Variants in FLVCR1 observed in about 807,000 individuals in gnomAD.
The protein encoded by FLVCR1 is choline/ethanolamine transporter FLVCR1.
Under a neutral mutation model 53.6 loss-of-function variants are expected in FLVCR1, and 34 were observed. The observed-to-expected ratio is 0.63, with a 90% CI of 0.48 to 0.84. The LOEUF (loss-of-function observed/expected upper bound fraction) is 0.84. FLVCR1 is among the 40% of genes least tolerant of loss of function. The pLI is 0.00. For missense variants in FLVCR1, 677 were observed against 696.7 expected (o/e 0.97, Z 0.32); for synonymous variants, 300 against 286.3 (o/e 1.05, Z -0.48).
Position 212,885,142 on chromosome 1 carries a change from C to G in FLVCR1, c.1093-151C>G. The G allele has an allele frequency of 4.6e-6, 3 of 657,868 alleles. No individual in the cohort carries two copies. The East Asian group carries it at 8.2e-5, about 18-fold the overall frequency. The allele number at this position is 657,868 out of a possible 1,614,324, so 40.8% of individuals were successfully genotyped here. A position where few individuals can be genotyped will look rare whatever the true frequency, so the allele number is the denominator to read the frequency against. On this transcript the variant is annotated intron_variant, in intron 4 of 9. Transcript: ENST00000366971. ...TTTATATATTCTTTACCTGCCCTCCCCTCCCACACTGACACATGTACTAAA... is the reference window on the plus strand; with the variant it reads ...TTTATATATTCTTTACCTGCCCTCCGCTCCCACACTGACACATGTACTAAA...
At chr1:212,879,517 T>A (rs1664865003) in intron 3 of FLVCR1, among the ~76,000 whole-genome samples, 1 of 152,136 alleles carries the variant, frequency 6.6e-6, no homozygotes, top group African/African-American at 2.4e-5. Flanking sequence ...CCAAATGGAC[T>A]AAGATAAAAT....
intron 1 of FLVCR1, among the ~76,000 whole-genome samples, chr1:212,859,659 A>G (rs570289948): frequency 6.6e-6 from 1 of 152,174 alleles, no homozygotes; most frequent in South Asian, 2.1e-4. Context: ...TGGAGGTTGC[A>G]GTGAGCGGAG....
intron 2 of FLVCR1, among the ~76,000 whole-genome samples, chr1:212,868,024 C>T (rs544258972): frequency 3.3e-5 from 5 of 152,152 alleles, no homozygotes; most frequent in East Asian, 1.9e-4. Context: ...AGGATGGTCT[C>T]GATCTCCTGA....
intron 8 of FLVCR1, among the ~76,000 whole-genome samples, chr1:212,890,754 G>C (rs12404754): frequency 0.39 from 60,010 of 151,984 alleles, 13,347 homozygotes; most frequent in South Asian, 0.52. Flanking sequence ...TCAGAAGGAT[G>C]TGAATCAGAA....
At chr1:212,872,848 G>A (rs1664642813) in intron 3 of FLVCR1, 30 bp downstream of exon 3, 1 of 1,611,862 alleles carries the variant, frequency 6.2e-7, no homozygotes, top group South Asian at 1.1e-5. Context: ...TTTCTTTAAT[G>A]TCTGTGTGAG....
At chr1:212,863,362 C>T (rs981637695) in intron 1 of FLVCR1, among the ~76,000 whole-genome samples, 10 of 152,190 alleles carry the variant, frequency 6.6e-5, no homozygotes, top group East Asian at 5.8e-4. Context: ...GAGGCCGAGG[C>T]GGGCGGATCA....
chr1:212,899,080 TTG>T lies in FLVCR1; in HGVS notation c.*3795_*3796del, dbSNP rs1463984190. 1 of 152,236 alleles carries T rather than the reference TTG, an allele frequency of 6.6e-6. No individual in the cohort carries two copies. Among genetic ancestry groups the T allele is most frequent in the Non-Finnish European group, 1.5e-5 (1 of 68,044 alleles). The allele number at this position is 152,236 out of a possible 1,614,324, so 9.4% of individuals were successfully genotyped here. On this transcript the variant is annotated 3_prime_UTR_variant, in exon 10 of 10. Transcript: ENST00000366971. The stretch of plus-strand genomic sequence containing the variant: ...AGAAAATGGAATAGGTAATCATCAC[TTG>T]TGTGAATTTTAATCAAATGACTTAG...
intron 2 of FLVCR1, among the ~76,000 whole-genome samples, chr1:212,869,708 G>C (rs1027707930): frequency 2.0e-5 from 3 of 152,156 alleles, no homozygotes; most frequent in Non-Finnish European, 4.4e-5. Flanking sequence ...GCTAATTTTT[G>C]TGTTTTTAGT....
intron 3 of FLVCR1, among the ~76,000 whole-genome samples, chr1:212,881,583 G>A (rs574866593): frequency 6.6e-6 from 1 of 152,024 alleles, no homozygotes; most frequent in South Asian, 2.1e-4. Flanking sequence ...GACTGGTGTC[G>A]AACTCCTGAC....
intron 8 of FLVCR1, among the ~76,000 whole-genome samples, chr1:212,891,541 A>G (rs1337093641): frequency 6.6e-6 from 1 of 152,244 alleles, no homozygotes; most frequent in Admixed American, 6.5e-5. Context: ...ATACTAATTC[A>G]AACAAATCAA....
rs145264665 is a variant in FLVCR1, at chr1:212,874,304, G to A, written c.1024+1486G>A. Among the ~76,000 whole-genome samples the A allele has an allele frequency of 3.8e-3, 578 of 152,186 alleles. 9 individuals carry two copies. The highest frequency in any genetic ancestry group is 0.013 in the African/African-American group (553 of 41,526). On this transcript the variant is annotated intron_variant, in intron 3 of 9. Transcript: ENST00000366971. ...ATTACAGGCGTGAGCCAAAATGCCC[G>A]GCCTTTCCTGGAATATTTTAAAGCA...
In FLVCR1 at chr1:212,858,573, G is replaced by C; in HGVS notation, c.121G>C (p.Gly41Arg). Residue 41 changes from glycine to arginine, a missense_variant, in exon 1 of 10, where the codon GGG becomes CGG. Physicochemically the swap from Gly to Arg is moderately radical, Grantham distance 125. Coordinates refer to ENST00000366971, the MANE Select transcript of FLVCR1 (RefSeq NM_014053.4). ...GAAGGAGAGCGTGGAGCTGCAGAAC[G>C]GGCCCAAAGCGGGCACCTTCCCGGT... is the stretch of plus-strand genomic sequence containing the variant. The part of the protein sequence containing the change: ...VGKESVELQN[G>R]PKAGTFPVNG... 6.7e-7 allele frequency: 1 copy of C among 1,488,538 alleles called. No homozygotes were observed. Among genetic ancestry groups the C allele is most frequent in the Non-Finnish European group, 8.9e-7 (1 of 1,119,358 alleles). The allele number at this position is 1,488,538 out of a possible 1,614,324, so 92.2% of individuals were successfully genotyped here.
intron 8 of FLVCR1, among the ~76,000 whole-genome samples, chr1:212,890,180 C>A (rs1272676280): frequency 6.6e-6 from 1 of 152,136 alleles, no homozygotes; most frequent in African/African-American, 2.4e-5. Flanking sequence ...CATAGTTTGC[C>A]CATGCACATG....
chr1:212,881,328 G>C (rs1053651866), intron 3 of FLVCR1, among the ~76,000 whole-genome samples: 13 of 111,544 alleles, frequency 1.2e-4, no homozygotes, highest in African/African-American at 4.0e-4. Flanking sequence ...TTGAGACAGA[G>C]TCTCACTCTG....
At chr1:212,863,452 T>G (rs1874418) in intron 1 of FLVCR1, among the ~76,000 whole-genome samples, 70,249 of 151,618 alleles carry the variant, frequency 0.46, 17,512 homozygotes, top group Non-Finnish European at 0.56. Context: ...AGCTGGGCGT[T>G]GTGGCGCGCG....
chr1:212,894,673 A>G (rs1368976170), intron 8 of FLVCR1, among the ~76,000 whole-genome samples: 1 of 152,074 alleles, frequency 6.6e-6, no homozygotes. Context: ...ATACCTTGCA[A>G]TTATCACACA....
intron 2 of FLVCR1, among the ~76,000 whole-genome samples, chr1:212,867,528 A>G (rs1163671945): frequency 1.3e-5 from 2 of 152,200 alleles, no homozygotes; most frequent in Admixed American, 6.5e-5. Context: ...TTAACTCCCT[A>G]TATAAAAGTT....
At chr1:212,866,474 CTTT>C (rs200827176) in intron 2 of FLVCR1, among the ~76,000 whole-genome samples, 71 of 147,588 alleles carry the variant, frequency 4.8e-4, no homozygotes, top group Non-Finnish European at 4.5e-4. Flanking sequence ...TCTGATTTTC[CTTT>C]TTTTTTTTTT....
intron 5 of FLVCR1, among the ~76,000 whole-genome samples, chr1:212,886,042 CTTT>C (rs5780703): frequency 4.1e-5 from 5 of 121,118 alleles, no homozygotes; most frequent in Non-Finnish European, 1.6e-5. Flanking sequence ...TTATCTTGTT[CTTT>C]TTTTTTTTTT....
Sources: gnomAD v4.1 joint callset for allele counts (sites outside exome capture counted in the v4.1 genomes callset) on GRCh38, gnomAD v4.1.1 for gene constraint, MANE v1.5 for transcripts, NCBI Gene and HGNC (gene_info 2026-07-23, HGNC 2026-07-21) for gene names.